Variants in ERBB3 observed in about 807,000 individuals in gnomAD.
ERBB3 encodes the protein receptor tyrosine-protein kinase erbB-3.
A neutral mutation model predicts 156.7 loss-of-function variants in ERBB3; 96 were observed. The observed-to-expected ratio is 0.61, with a 90% CI of 0.52 to 0.73. The LOEUF (loss-of-function observed/expected upper bound fraction) is 0.73, where lower values mean the gene tolerates loss of function less well. Ranked by LOEUF, ERBB3 falls within the 30% of genes least tolerant of loss-of-function variation. The pLI, the probability that ERBB3 is intolerant of heterozygous loss-of-function variation, is 0.00. For missense variants in ERBB3, 1,406 were observed against 1,709.4 expected (o/e 0.82, Z 3.13); for synonymous variants, 567 against 632.0 (o/e 0.90, Z 1.54).
At chr12:56,083,621 G>C in intron 1 of ERBB3, 130 bp from the exon 2 acceptor site, 1 of 1,000,586 alleles carries the variant, frequency 1.0e-6, no homozygotes, top group Admixed American at 1.7e-5. Flanking sequence ...GGGAGGGTTG[G>C]AGGCAAATGC....
rs776195897 is a variant in ERBB3, at chr12:56,101,529, G to A, written c.3503G>A (p.Gly1168Asp). 1.9e-6 allele frequency: 3 copies of A among 1,613,540 alleles called. No homozygotes were observed. The African/African-American group carries it at 4.0e-5, about 22-fold the overall frequency. ...CCTAGCCTTTCTTCTCAACCCCCAG[G>A]TACTCCCTCCTCCCGGGAAGGCACC... ...GYVMPDTHLKGTPSSREGTLS... is the reference protein window; with the variant it reads ...GYVMPDTHLKDTPSSREGTLS... The change falls in exon 28 of 28, where the codon GGT (glycine) becomes GAT (aspartate). Residue 1168 changes from glycine (G) to aspartate (D), a missense_variant and splice_region_variant. Around this residue, in one of 3 missense-constraint regions of ERBB3, gnomAD observed 415 missense variants for 454.1 expected, o/e 0.91. Transcript: ENST00000267101.
At chr12:56,085,221 C>T (rs1207934444) in intron 3 of ERBB3, 40 bp downstream of exon 3, 2 of 1,614,094 alleles carry the variant, frequency 1.2e-6, no homozygotes, top group South Asian at 1.1e-5. Flanking sequence ...ACCCCTCAGC[C>T]AGCCCAAGAC....
intron 17 of ERBB3, 158 bp downstream of exon 17, chr12:56,095,964 T>C: frequency 1.3e-6 from 1 of 784,514 alleles, no homozygotes; most frequent in South Asian, 1.5e-5. Flanking sequence ...GATCCCTTTC[T>C]TCAAGGAAGT....
chr12:56,098,740 C>T lies in ERBB3; in HGVS notation c.2693-19C>T, dbSNP rs2136822084. The T allele has an allele frequency of 6.2e-7, 1 of 1,614,026 alleles. No homozygotes were observed. The highest frequency in any genetic ancestry group is 8.5e-7 in the Non-Finnish European group (1 of 1,179,868). ...GTCTACTATTTTGCCAGTGACTAGT[C>T]CATGTCTTCCTGCAACAGGTGTGAC... On this transcript the variant is annotated intron_variant, in intron 22 of 27. Transcript: ENST00000267101.
chr12:56,100,508 G>A (rs1869053745), intron 26 of ERBB3, among the ~76,000 whole-genome samples: 1 of 151,878 alleles, frequency 6.6e-6, no homozygotes, highest in Non-Finnish European at 1.5e-5. Context: ...TGGGTGTGGT[G>A]GTGCACACCT....
At chr12:56,092,156 G>A (rs564234252) in intron 9 of ERBB3, among the ~76,000 whole-genome samples, 12 of 150,984 alleles carry the variant, frequency 7.9e-5, no homozygotes, top group East Asian at 3.9e-4. Context: ...TTGGGAGGCC[G>A]AGGCGGGCGG....
chr12:56,082,545 A>G (rs1868365590), intron 1 of ERBB3, among the ~76,000 whole-genome samples: 1 of 152,046 alleles, frequency 6.6e-6, no homozygotes, highest in Admixed American at 6.6e-5. Flanking sequence ...TTGGGGCCTC[A>G]CCAGTCTCCC....
Position 56,102,948 on chromosome 12 carries a change from A to C in ERBB3, c.*893A>C. 4.3e-6 allele frequency: 1 copy of C among 230,494 alleles called. No individual in the cohort carries two copies. The highest frequency in any genetic ancestry group is 6.1e-5 in the East Asian group (1 of 16,324). The allele number at this position is 230,494 out of a possible 1,614,324, so 14.3% of individuals were successfully genotyped here. ...AGAGATAAGCCTATGGAAACATAGC[A>C]AGACACTGTCTCTACAGGGGAAAAA... On this transcript the variant is annotated 3_prime_UTR_variant, in exon 28 of 28. Coordinates refer to ENST00000267101, the MANE Select transcript of ERBB3 (RefSeq NM_001982.4).
In ERBB3 at chr12:56,085,177, C is replaced by T; in HGVS notation, c.417C>T (p.Leu139=). 1 of 1,614,188 alleles carries T rather than the reference C, an allele frequency of 6.2e-7. No homozygotes were observed. The highest frequency in any genetic ancestry group is 8.5e-7 in the Non-Finnish European group (1 of 1,180,022). The part of the protein sequence containing the change: ...HALRQLRLTQ[L]TEILSGGVYI... ...TGCGCCAGCTCCGCTTGACTCAGCT[C>T]ACCGGTCAGTTCCCGATGGTTCCTT... The change falls in exon 3 of 28, where the codon CTC becomes CTT. Residue 139 remains leucine, a synonymous_variant. Coordinates refer to ENST00000267101, the MANE Select transcript of ERBB3 (RefSeq NM_001982.4).
chr12:56,101,787 C>T lies in ERBB3; in HGVS notation c.3761C>T (p.Thr1254Ile), dbSNP rs55709407. ...HPVPIMPTAG[T>I]TPDEDYEYMN... ...GTACCCATCATGCCCACTGCAGGCA[C>T]AACTCCAGATGAAGACTATGAATAT... Residue 1254 changes from threonine (T) to isoleucine (I), a missense_variant, in exon 28 of 28, where the codon ACA becomes ATA. Physicochemically the swap from Thr to Ile is moderately conservative, Grantham distance 89. This residue lies in a region of ERBB3 where 415 missense variants were observed against 454.1 expected (regional missense o/e 0.91). Coordinates refer to ENST00000267101, the MANE Select transcript of ERBB3 (RefSeq NM_001982.4). 9.3e-6 allele frequency: 15 copies of T among 1,613,478 alleles called. No individual in the cohort carries two copies. The highest frequency in any genetic ancestry group is 1.3e-5 in the Non-Finnish European group (15 of 1,179,926).
At chr12:56,098,215 T>C (rs971576699) in intron 21 of ERBB3, 6 of 550,390 alleles carry the variant, frequency 1.1e-5, no homozygotes, top group African/African-American at 9.6e-5. Flanking sequence ...CCATCCTGGC[T>C]AGCACGGTGA....
chr12:56,098,736 T>C (rs776679159), intron 22 of ERBB3, 23 bp from the exon 23 acceptor site: 1 of 1,614,008 alleles, frequency 6.2e-7, no homozygotes, highest in Non-Finnish European at 8.5e-7. Context: ...TGCCAGTGAC[T>C]AGTCCATGTC....
rs1868336298 is a variant in ERBB3 at position 56,080,250 on chromosome 12, AGGG to A, written c.-49_-47del. ...GGCTCTTGCCTCGATGTCCTAGCCT[AGGG>A]GCCCCCGGGCCGGACTTGGCTGGGC... On this transcript the variant is annotated 5_prime_UTR_variant, in exon 1 of 28. Coordinates refer to ENST00000267101, the MANE Select transcript of ERBB3 (RefSeq NM_001982.4). 7 of 1,456,618 alleles carry A rather than the reference AGGG, an allele frequency of 4.8e-6. No homozygotes were observed. The highest frequency in any genetic ancestry group is 5.6e-6 in the Non-Finnish European group (6 of 1,063,540). 90.2% of individuals were successfully genotyped at this position (1,456,618 alleles called of 1,614,324 possible). A position where few individuals can be genotyped will look rare whatever the true frequency, so the allele number is the denominator to read the frequency against.
chr12:56,098,190 G>A, intron 21 of ERBB3: 1 of 560,690 alleles, frequency 1.8e-6, no homozygotes, highest in South Asian at 2.1e-5. Context: ...GGATCACAAG[G>A]TCAGGAGATC....
chr12:56,086,371 T>C, intron 3 of ERBB3, 160 bp from the exon 4 acceptor site: 1 of 866,212 alleles, frequency 1.2e-6, no homozygotes, highest in Non-Finnish European at 1.9e-6. Flanking sequence ...CTCCTCATCT[T>C]ATAAAGGGAG....
chr12:56,094,264 G>A, intron 14 of ERBB3, 75 bp downstream of exon 14: 1 of 1,442,482 alleles, frequency 6.9e-7, no homozygotes, highest in East Asian at 2.3e-5. Flanking sequence ...GAATGATATG[G>A]CTAAGGATAG....
rs377479010 is a variant in ERBB3, at chr12:56,094,126, C to T, written c.1641C>T (p.Ala547=). ...AGCCTCGAGAATTTGCCCATGAGGC[C>T]GAATGCTTCTCCTGCCACCCGGAAT... The part of the protein sequence containing the change: ...NGEPREFAHE[A]ECFSCHPECQ... The change falls in exon 14 of 28, where the codon GCC becomes GCT. Residue 547 remains alanine, a synonymous_variant. Coordinates refer to ENST00000267101, the MANE Select transcript of ERBB3 (RefSeq NM_001982.4). The T allele has an allele frequency of 3.0e-5, 48 of 1,613,400 alleles. No homozygotes were observed. In the African/African-American group the frequency reaches 4.1e-4, roughly 14 times the overall value.
At chr12:56,082,498 C>T (rs1868364836) in intron 1 of ERBB3, among the ~76,000 whole-genome samples, 1 of 152,084 alleles carries the variant, frequency 6.6e-6, no homozygotes, top group African/African-American at 2.4e-5. Context: ...CCTCCAAGGT[C>T]AAGAAGTCAG....
At chr12:56,088,385 T>TTTTGAA (rs1261362363) in intron 7 of ERBB3, among the ~76,000 whole-genome samples, 158 bp from the exon 8 acceptor site, 2 of 152,170 alleles carry the variant, frequency 1.3e-5, no homozygotes, top group Non-Finnish European at 2.9e-5. Context: ...GTGAAGAGAC[T>TTTTGAA]TTTGAATCTA....
Sources: gnomAD v4.1 joint callset for allele counts (sites outside exome capture counted in the v4.1 genomes callset) on GRCh38, gnomAD v4.1.1 for gene constraint, gnomAD v4.1.1 regional missense constraint, MANE v1.5 for transcripts, NCBI Gene and HGNC (gene_info 2026-07-23, HGNC 2026-07-21) for gene names.